Variants in COL6A3 observed in about 807,000 individuals in gnomAD.
The protein encoded by COL6A3 is collagen alpha-3(VI) chain.
A neutral mutation model predicts 274.1 loss-of-function variants in COL6A3; 137 were observed. That is an observed-to-expected ratio of 0.50 (90% CI 0.44 to 0.58). The LOEUF is 0.58. Among genes scored for constraint, COL6A3 ranks in the 20% least tolerant of loss-of-function variants. COL6A3 has a pLI of 0.00. For synonymous variants in COL6A3, 1,650 were observed against 1,650.6 expected (o/e 1.00, Z 0.01); for missense variants, 3,950 against 4,124.9 (o/e 0.96, Z 1.16).
intron 6 of COL6A3, among the ~76,000 whole-genome samples, chr2:237,377,751 A>T (rs2077887887): frequency 6.6e-6 from 1 of 152,164 alleles, no homozygotes; most frequent in Admixed American, 6.5e-5. Flanking sequence ...ATCTCTAGAA[A>T]AAAAAAGGGG....
chr2:237,333,884 ACTGGTGGGAATTCCCTTTCCTCAAG>A (rs1700393021), intron 41 of COL6A3, among the ~76,000 whole-genome samples: 1 of 152,134 alleles, frequency 6.6e-6, no homozygotes, highest in Admixed American at 6.5e-5. Context: ...AATCCATGGC[ACTGGTGGGAATTCCCTTTCCTCAAG>A]CTGGTTCCTT....
chr2:237,326,944 C>CAGGCTGG (rs1252962562), intron 42 of COL6A3: 22 of 152,434 alleles, frequency 1.4e-4, no homozygotes, highest in African/African-American at 4.8e-4. Flanking sequence ...ACCCAAATTC[C>CAGGCTGG]AGGCTGGTGG....
intron 39 of COL6A3, among the ~76,000 whole-genome samples, chr2:237,336,800 A>G (rs747040437): frequency 6.6e-6 from 1 of 152,246 alleles, no homozygotes; most frequent in Non-Finnish European, 1.5e-5. Flanking sequence ...TTCTAAAATA[A>G]AGGCAGAGAG....
rs773149146 is a variant in COL6A3 at position 237,381,249 on chromosome 2, C to T, written c.1563G>A (p.Ser521=). ...AVRKMKPLDG[S]ALYTGSALDF... ...CTAGAGCAGAGCCCGTGTACAGGGC[C>T]GAGCCGTCCAGGGGCTTCATTTTCC... is the stretch of plus-strand genomic sequence containing the variant. The change falls in exon 5 of 44, where the codon TCG becomes TCA. Residue 521 remains serine (S), a synonymous_variant. Coordinates refer to ENST00000295550, the MANE Select transcript of COL6A3 (RefSeq NM_004369.4). 1.4e-5 allele frequency: 22 copies of T among 1,614,110 alleles called. No homozygotes were observed. Among genetic ancestry groups the T allele is most frequent in the African/African-American group, 4.0e-5 (3 of 74,946 alleles).
rs541928674 is a variant in COL6A3 at position 237,344,516 on chromosome 2, C to T, written c.7502G>A (p.Arg2501His). The stretch of plus-strand genomic sequence containing the variant: ...CCTCATTAGGAATCCGTTCCTCACA[C>T]GCTTAAATGTGTTCCTGGCCACAAA... Reference protein sequence around the residue: ...MSFVARNTFKRVRNGFLMRKV... With the variant: ...MSFVARNTFKHVRNGFLMRKV... The change falls in exon 36 of 44, where the codon CGT becomes CAT. Residue 2501 changes from arginine to histidine, a missense_variant. Transcript: ENST00000295550. The surrounding 1 kb of genome is among the most constrained non-coding windows in gnomAD (Gnocchi z 4.8). 38 of 1,614,172 alleles carry T rather than the reference C, an allele frequency of 2.4e-5. No homozygotes were observed. The highest frequency in any genetic ancestry group is 3.3e-4 in the Middle Eastern group (2 of 6,062).
At chr2:237,351,327 A>G in intron 26 of COL6A3, 135 bp from the exon 27 acceptor site, 5 of 783,166 alleles carry the variant, frequency 6.4e-6, no homozygotes, top group South Asian at 1.4e-5. Flanking sequence ...TGCAAATCCC[A>G]AGCACTCAGC....
chr2:237,396,873 A>T (rs1226875527), intron 1 of COL6A3, 26 bp from the exon 2 acceptor site: 1 of 1,535,312 alleles, frequency 6.5e-7, no homozygotes, highest in Non-Finnish European at 9.0e-7. Context: ...GGGCAAAGGG[A>T]ATGATCAGTT....
intron 5 of COL6A3, among the ~76,000 whole-genome samples, chr2:237,380,372 G>A (rs2077971075): frequency 6.6e-6 from 1 of 152,222 alleles, no homozygotes; most frequent in Non-Finnish European, 1.5e-5. Context: ...TATTAAATGA[G>A]GGATTTGAAG....
rs762016120 is a variant in COL6A3 at position 237,377,038 on chromosome 2, C to T, written c.2804G>A (p.Arg935Gln). 17 of 1,614,088 alleles carry T rather than the reference C, an allele frequency of 1.1e-5. No individual in the cohort carries two copies. Among genetic ancestry groups the T allele is most frequent in the African/African-American group, 4.0e-5 (3 of 74,924 alleles). The change falls in exon 7 of 44, where the codon CGG becomes CAG. Residue 935 changes from arginine to glutamine, a missense_variant. Physicochemically the swap from Arg to Gln is conservative, Grantham distance 43 (BLOSUM62 1). Around this residue, in one of 5 missense-constraint regions of COL6A3, gnomAD observed 1,934 missense variants for 1,984.3 expected, o/e 0.97. Transcript: ENST00000295550. ...RYIFVKSAGS[R>Q]IEDGVLQFLV... ...GAACTGAAGCACTCCATCCTCGATC[C>T]GGCTGCCAGCAGACTTCACAAAAAT...
chr2:237,359,480 C>G, intron 17 of COL6A3, 92 bp from the exon 18 acceptor site: 1 of 1,318,932 alleles, frequency 7.6e-7, no homozygotes, highest in African/African-American at 1.4e-5. Context: ...CCCACTCCAC[C>G]CCATTTGAAT....
Position 237,396,731 on chromosome 2 carries a change from T to C in COL6A3, c.87A>G (p.Gln29=), listed in dbSNP as rs775946239. The C allele has an allele frequency of 1.2e-6, 2 of 1,614,118 alleles. No homozygotes were observed. Among genetic ancestry groups the C allele is most frequent in the South Asian group, 1.1e-5 (1 of 91,080 alleles). ...AAGGACGTTTCTGGCTCTTACCTGC[T>C]TGCTGCTGCTGGGCATGAGTTGTAG... ...GFPTTHAQQQ[Q]ADVKNGAAAD... is the part of the protein sequence containing the mutation. Residue 29 remains glutamine, a synonymous_variant, in exon 2 of 44, where the codon CAA becomes CAG. Transcript: ENST00000295550.
chr2:237,385,250 C>T (rs988040014), intron 4 of COL6A3, among the ~76,000 whole-genome samples: 2 of 152,146 alleles, frequency 1.3e-5, no homozygotes, highest in African/African-American at 4.8e-5. Flanking sequence ...TAAACAGCAC[C>T]ATATCTCTAG....
At chr2:237,353,258 T>C in intron 25 of COL6A3, 83 bp downstream of exon 25, 2 of 1,371,136 alleles carry the variant, frequency 1.5e-6, no homozygotes, top group South Asian at 2.4e-5. Context: ...TGGTTAACTT[T>C]CCGGATATAA....
At chr2:237,405,434 A>C (rs937394) in intron 1 of COL6A3, among the ~76,000 whole-genome samples, 1,844 of 152,244 alleles carry the variant, frequency 0.012, 71 homozygotes, top group Admixed American at 0.058. Flanking sequence ...ACACCATCTC[A>C]CCAGATGACC....
At position 237,324,820 on chromosome 2, in the gene COL6A3, C is replaced by A. The variant is rs367899223; in HGVS notation, c.9494-6G>T. ...GACTCCGGGTTTGGCGAGCACTGAG[C>A]GTCGAGAGAGGGGGTGGGTGGGGTG... On this transcript the variant is annotated splice_region_variant and splice_polypyrimidine_tract_variant and intron_variant, in intron 43 of 43. Transcript: ENST00000295550. 21 of 1,612,878 alleles carry A rather than the reference C, an allele frequency of 1.3e-5. No homozygotes were observed. The East Asian group carries it at 1.3e-4, about 10-fold the overall frequency.
At chr2:237,404,132 A>AGATTCTTTCTAAGAAAATGGCCT (rs2078665322) in intron 1 of COL6A3, among the ~76,000 whole-genome samples, 4 of 152,098 alleles carry the variant, frequency 2.6e-5, no homozygotes, top group Admixed American at 2.0e-4. Context: ...GCTTCCTGCT[A>AGATTCTTTCTAAGAAAATGGCCT]GATTCTTTCT....
intron 3 of COL6A3, among the ~76,000 whole-genome samples, chr2:237,389,720 T>A (rs904121294): frequency 2.0e-5 from 3 of 152,238 alleles, no homozygotes; most frequent in Admixed American, 2.0e-4. Context: ...TTCCTAACAA[T>A]ATATTTGCAG....
At chr2:237,327,388 A>C (rs1299558603) in intron 42 of COL6A3, 1 of 152,322 alleles carries the variant, frequency 6.6e-6, no homozygotes, top group Non-Finnish European at 1.5e-5. Context: ...CAGTCACGAG[A>C]GGTCTGCCCA....
At position 237,407,128 on chromosome 2, in the gene COL6A3, T is replaced by C. The variant is rs1278407048; in HGVS notation, c.-31+6825A>G. On this transcript the variant is annotated intron_variant, in intron 1 of 43. Transcript: ENST00000295550. This position sits in a 1 kb window ranked among gnomAD's most constrained non-coding sequence, Gnocchi z 4.3. The stretch of plus-strand genomic sequence containing the variant: ...TATCTCACTATATTGCCCAGGCTGG[T>C]CTCAAACTCTTGGGCTCAAGGGATC... Among the ~76,000 whole-genome samples, 3 of 152,070 alleles carry C rather than the reference T, an allele frequency of 2.0e-5. No homozygotes were observed. The highest frequency in any genetic ancestry group is 1.3e-4 in the Admixed American group (2 of 15,270).
Sources: gnomAD v4.1 joint callset for allele counts (sites outside exome capture counted in the v4.1 genomes callset) on GRCh38, gnomAD v4.1.1 for gene constraint, gnomAD v4.1.1 regional missense constraint, Gnocchi (gnomAD v3.1) non-coding constraint, MANE v1.5 for transcripts, NCBI Gene and HGNC (gene_info 2026-07-23, HGNC 2026-07-21) for gene names.